TSHR: variants seen among roughly 807,000 people sequenced by gnomAD.
TSHR encodes thyroid stimulating hormone receptor.
Under a neutral mutation model 64.1 loss-of-function variants are expected in TSHR, and 51 were observed. The observed-to-expected ratio is 0.80, with a 90% CI of 0.64 to 1.01. The LOEUF (loss-of-function observed/expected upper bound fraction) is 1.01, where lower values mean the gene tolerates loss of function less well. TSHR is among the 50% of genes least tolerant of loss of function. TSHR has a pLI of 0.00. For missense variants in TSHR, 877 were observed against 942.8 expected (o/e 0.93, Z 0.91); for synonymous variants, 361 against 361.9 (o/e 1.00, Z 0.03).
intron 1 of TSHR, chr14:81,032,570 T>TGGCTC (rs1884404123): frequency 2.3e-6 from 1 of 440,830 alleles, no homozygotes. Context: ...TCCTTGCTTG[T>TGGCTC]GGCTCCTTCA....
At chr14:81,063,993 GA>G (rs1164000202) in intron 2 of TSHR, among the ~76,000 whole-genome samples, 4 of 152,010 alleles carry the variant, frequency 2.6e-5, no homozygotes. Flanking sequence ...GTGGGCAGTA[GA>G]AAAAAATAAA....
intron 1 of TSHR, among the ~76,000 whole-genome samples, chr14:81,021,957 T>C (rs1883776701): frequency 6.6e-6 from 1 of 152,144 alleles, no homozygotes; most frequent in Admixed American, 6.5e-5. Context: ...GACTTGAAAG[T>C]AGGCTTTTAA....
At chr14:81,042,068 G>C (rs112718224) in intron 1 of TSHR, among the ~76,000 whole-genome samples, 1,522 of 152,138 alleles carry the variant, frequency 0.01, 20 homozygotes, top group Middle Eastern at 0.031. Context: ...ATCATCAGAG[G>C]AATATAAATA....
intron 1 of TSHR, among the ~76,000 whole-genome samples, chr14:81,033,604 C>A (rs1218545582): frequency 7.3e-6 from 1 of 137,740 alleles, no homozygotes; most frequent in Non-Finnish European, 1.6e-5. Context: ...TGAATGTTTT[C>A]CATATGGTCT....
chr14:81,129,093 G>C (rs1381246022), intron 8 of TSHR, among the ~76,000 whole-genome samples: 2 of 151,790 alleles, frequency 1.3e-5, no homozygotes, highest in Non-Finnish European at 2.9e-5. Flanking sequence ...CCTATACCTT[G>C]ACCTCCGAGC....
At chr14:81,054,707 G>A (rs963531994) in intron 1 of TSHR, among the ~76,000 whole-genome samples, 1 of 152,264 alleles carries the variant, frequency 6.6e-6, no homozygotes, top group Non-Finnish European at 1.5e-5. Flanking sequence ...GTGGAACTTT[G>A]AACTTGAGAG....
intron 3 of TSHR, among the ~76,000 whole-genome samples, chr14:81,077,162 C>T (rs1887564730): frequency 6.6e-6 from 1 of 152,128 alleles, no homozygotes; most frequent in South Asian, 2.1e-4. Flanking sequence ...TCCTTGAATG[C>T]TTTTTGGTTT....
chr14:81,130,450 T>C (rs562290169), intron 8 of TSHR, among the ~76,000 whole-genome samples: 4 of 152,230 alleles, frequency 2.6e-5, no homozygotes, highest in Non-Finnish European at 5.9e-5. Context: ...TCCAAATCAC[T>C]ACTCTCTCTT....
chr14:80,986,805 A>G (rs1888480199), intron 1 of TSHR, among the ~76,000 whole-genome samples: 1 of 152,158 alleles, frequency 6.6e-6, no homozygotes, highest in Non-Finnish European at 1.5e-5. Context: ...TCATTCTATC[A>G]CACTATTTTA....
At chr14:80,998,986 A>T (rs1040431330) in intron 1 of TSHR, among the ~76,000 whole-genome samples, 4 of 152,188 alleles carry the variant, frequency 2.6e-5, no homozygotes, top group African/African-American at 9.7e-5. Flanking sequence ...ACAATTGTAA[A>T]ACCAACTGGG....
chr14:81,088,217 A>C (rs965141465), intron 4 of TSHR, among the ~76,000 whole-genome samples, 189 bp downstream of exon 4: 1 of 152,164 alleles, frequency 6.6e-6, no homozygotes, highest in African/African-American at 2.4e-5. Context: ...GTCAGCACAT[A>C]ATGCTGGAAC....
intron 1 of TSHR, among the ~76,000 whole-genome samples, chr14:80,975,707 A>T (rs1385482878): frequency 6.6e-6 from 1 of 152,208 alleles, no homozygotes; most frequent in Non-Finnish European, 1.5e-5. Context: ...AGGACATTTT[A>T]GATTCTTTCC....
chr14:81,009,106 A>G (rs1189442120), intron 1 of TSHR, among the ~76,000 whole-genome samples: 1 of 152,214 alleles, frequency 6.6e-6, no homozygotes, highest in Admixed American at 6.5e-5. Context: ...TTCAGTATTA[A>G]TAATAACTTC....
intron 1 of TSHR, among the ~76,000 whole-genome samples, chr14:81,060,340 T>C (rs924925829): frequency 3.3e-5 from 5 of 152,148 alleles, no homozygotes; most frequent in Middle Eastern, 3.2e-3. Context: ...TGACTTGTTC[T>C]TCTCATATCT....
intron 6 of TSHR, among the ~76,000 whole-genome samples, chr14:81,096,366 T>C (rs200367495): frequency 6.6e-6 from 1 of 152,202 alleles, no homozygotes; most frequent in African/African-American, 2.4e-5. Flanking sequence ...AAATCTTCAA[T>C]GGTAACAAGT....
chr14:81,031,298 A>C (rs1481264664), intron 1 of TSHR, among the ~76,000 whole-genome samples: 2 of 152,156 alleles, frequency 1.3e-5, no homozygotes, highest in African/African-American at 2.4e-5. Context: ...ATATGAAGGA[A>C]CTACACACAT....
chr14:81,007,697 A>T (rs1450633800), intron 1 of TSHR, among the ~76,000 whole-genome samples: 1 of 152,098 alleles, frequency 6.6e-6, no homozygotes, highest in Non-Finnish European at 1.5e-5. Flanking sequence ...ACAGAATGGG[A>T]AGTTTAGGAC....
At chr14:80,977,297 A>T (rs1282251819) in intron 1 of TSHR, among the ~76,000 whole-genome samples, 1 of 152,232 alleles carries the variant, frequency 6.6e-6, no homozygotes, top group Non-Finnish European at 1.5e-5. Context: ...TCCAGGAAGA[A>T]ATGGCTCAAT....
At chr14:81,003,159 ATTT>A (rs1345003194) in intron 1 of TSHR, among the ~76,000 whole-genome samples, 1 of 151,868 alleles carries the variant, frequency 6.6e-6, no homozygotes, top group Non-Finnish European at 1.5e-5. Flanking sequence ...AACATATAAT[ATTT>A]CTGTGACAAA....
Sources: gnomAD v4.1 joint callset for allele counts (sites outside exome capture counted in the v4.1 genomes callset) on GRCh38, gnomAD v4.1.1 for gene constraint, MANE v1.5 for transcripts, NCBI Gene and HGNC (gene_info 2026-07-23, HGNC 2026-07-21) for gene names.